LRP1B: variants seen among roughly 807,000 people sequenced by gnomAD.
The protein encoded by LRP1B is LDL receptor related protein 1B, also known as low-density lipoprotein receptor-related protein 1B.
Under a neutral mutation model 556.6 loss-of-function variants are expected in LRP1B, and 217 were observed. The ratio of observed to expected loss-of-function variants is 0.39; its 90% confidence interval spans 0.35 to 0.44. The LOEUF is 0.44. Ranked by LOEUF, LRP1B falls within the 20% of genes least tolerant of loss-of-function variation. The pLI, the probability that LRP1B is intolerant of heterozygous loss-of-function variation, is 1.00. For synonymous variants in LRP1B, 2,047 were observed against 1,865.8 expected (o/e 1.10, Z -2.50); for missense variants, 5,053 against 5,620.8 (o/e 0.90, Z 3.23).
chr2:140,326,226 T>A (rs774155283), intron 79 of LRP1B, among the ~76,000 whole-genome samples: 2 of 152,122 alleles, frequency 1.3e-5, no homozygotes, highest in Non-Finnish European at 2.9e-5. Flanking sequence ...ATCTTCATAT[T>A]ATATGGAGAA....
In LRP1B at chr2:140,997,812, T is replaced by C. The variant is rs1697295783; in HGVS notation, c.2504-3677A>G. Among the ~76,000 whole-genome samples, 2 of 151,950 alleles carry C rather than the reference T, an allele frequency of 1.3e-5. 1 individual carries two copies. Among genetic ancestry groups the C allele is most frequent in the African/African-American group, 4.8e-5 (2 of 41,424 alleles). On this transcript the variant is annotated intron_variant, in intron 15 of 90. Coordinates refer to ENST00000389484, the MANE Select transcript of LRP1B (RefSeq NM_018557.3). The stretch of plus-strand genomic sequence containing the variant: ...AGTTGTGGTTTGCTGGATCTCTTTA[T>C]ATAAGCTCGCCTATACCGGAAGACT...
At chr2:141,219,513 C>T (rs139082796) in intron 6 of LRP1B, among the ~76,000 whole-genome samples, 29 of 152,298 alleles carry the variant, frequency 1.9e-4, no homozygotes, top group South Asian at 4.1e-4. Context: ...CCTAGTCTTT[C>T]CTGTCTGCTG....
chr2:141,045,149 T>A (rs946234881), intron 11 of LRP1B, among the ~76,000 whole-genome samples: 4 of 130,388 alleles, frequency 3.1e-5, no homozygotes, highest in Non-Finnish European at 6.6e-5. Flanking sequence ...AAATCATCAT[T>A]CTCAGTAAAC....
At chr2:140,838,168 T>C (rs1398412455) in intron 31 of LRP1B, among the ~76,000 whole-genome samples, 1 of 152,210 alleles carries the variant, frequency 6.6e-6, no homozygotes, top group Non-Finnish European at 1.5e-5. Context: ...GTATAAACTA[T>C]GATTGCCAAA....
intron 7 of LRP1B, among the ~76,000 whole-genome samples, chr2:141,114,934 T>C (rs995910093): frequency 4.6e-5 from 7 of 152,140 alleles, no homozygotes; most frequent in African/African-American, 1.7e-4. Context: ...CTTGATTCTA[T>C]TAAAACCGCA....
At chr2:142,098,123 C>T (rs1313757181) in intron 1 of LRP1B, among the ~76,000 whole-genome samples, 1 of 151,648 alleles carries the variant, frequency 6.6e-6, no homozygotes, top group Admixed American at 6.6e-5. Context: ...ATTTTTCAGC[C>T]CATATTCCTC....
chr2:141,122,734 G>A (rs1206204909), intron 7 of LRP1B, among the ~76,000 whole-genome samples: 1 of 152,154 alleles, frequency 6.6e-6, no homozygotes, highest in African/African-American at 2.4e-5. Context: ...ATTTGACCCA[G>A]CCATCCCATT....
chr2:141,326,108 A>T (rs1163933812), intron 3 of LRP1B, among the ~76,000 whole-genome samples: 1 of 152,182 alleles, frequency 6.6e-6, no homozygotes, highest in Non-Finnish European at 1.5e-5. Context: ...TTCTTATAAG[A>T]TGAATATTCA....
intron 57 of LRP1B, among the ~76,000 whole-genome samples, chr2:140,489,955 C>T (rs1252943302): frequency 6.6e-6 from 1 of 152,084 alleles, no homozygotes; most frequent in Non-Finnish European, 1.5e-5. Flanking sequence ...ACATATCTAT[C>T]TAGCCAAGCT....
At chr2:141,795,899 T>TATATATATATATATATATAA (rs1247641787) in intron 2 of LRP1B, among the ~76,000 whole-genome samples, 6 of 77,018 alleles carry the variant, frequency 7.8e-5, no homozygotes, top group Non-Finnish European at 1.4e-4. Flanking sequence ...TATATATATA[T>TATATATATATATATATATAA]AATCTTTAAG....
Position 140,702,254 on chromosome 2 carries a change from C to G in LRP1B, c.6189G>C (p.Lys2063Asn). The G allele has an allele frequency of 6.2e-7, 1 of 1,613,744 alleles. No individual in the cohort carries two copies. The highest frequency in any genetic ancestry group is 1.1e-5 in the South Asian group (1 of 91,084). Residue 2063 changes from lysine (K) to asparagine (N), a missense_variant, in exon 39 of 91, where the codon AAG (lysine) becomes AAC (asparagine). This residue lies in a region of LRP1B where 3,619 missense variants were observed against 3,931.9 expected (regional missense o/e 0.92). Transcript: ENST00000389484. ...KLYWCDARTD[K>N]IERIDLETGG... ...CAGTCTCAAGGTCGATTCTCTCTATCTTGTCTGTGCGAGCATCACACCAGT... is the reference window on the plus strand; with the variant it reads ...CAGTCTCAAGGTCGATTCTCTCTATGTTGTCTGTGCGAGCATCACACCAGT...
chr2:140,497,627 G>C (rs1689002249), intron 55 of LRP1B, among the ~76,000 whole-genome samples: 1 of 151,878 alleles, frequency 6.6e-6, no homozygotes, highest in South Asian at 2.1e-4. Context: ...AGTAGATACA[G>C]AGCAGTGTTG....
In LRP1B at chr2:140,700,359, G is replaced by C. The variant is rs1686587938; in HGVS notation, c.6690C>G (p.Asp2230Glu). ...TGGTACCTTTTCTTCTTTGATTATA[G>C]TCAAAAGCCAAGGCTATGACATTCT... ...YFKNVIALAFDYNQRRKGTNR... is the reference protein window; with the variant it reads ...YFKNVIALAFEYNQRRKGTNR... The change falls in exon 41 of 91, where the codon GAC becomes GAG. Residue 2230 changes from aspartate to glutamate, a missense_variant. This residue lies in a region of LRP1B where 3,619 missense variants were observed against 3,931.9 expected (regional missense o/e 0.92). Transcript: ENST00000389484. The C allele has an allele frequency of 1.2e-6, 2 of 1,613,110 alleles. No individual in the cohort carries two copies. The highest frequency in any genetic ancestry group is 1.7e-6 in the Non-Finnish European group (2 of 1,179,592).
rs138827919 is a variant in LRP1B at position 140,992,827 on chromosome 2, T to G, written c.2644+1168A>C. ...ATTATAGCAATTTAGTATTTAAATT[T>G]TTTTTGTGGGTTCAAACTTTGCAGG... is the stretch of plus-strand genomic sequence containing the variant. On this transcript the variant is annotated intron_variant, in intron 16 of 90. Coordinates refer to ENST00000389484, the MANE Select transcript of LRP1B (RefSeq NM_018557.3). Among the ~76,000 whole-genome samples, 1,449 of 152,170 alleles carry G rather than the reference T, an allele frequency of 9.5e-3. 17 individuals are homozygous for G. Among genetic ancestry groups the G allele is most frequent in the Non-Finnish European group, 0.015 (1,011 of 67,964 alleles).
chr2:141,175,082 C>T (rs10191501), intron 7 of LRP1B, among the ~76,000 whole-genome samples: 19,139 of 151,962 alleles, frequency 0.13, 1,447 homozygotes, highest in East Asian at 0.24. Flanking sequence ...TTCTAAGCAG[C>T]AAAGCATTCA....
chr2:141,813,179 C>G (rs1234532828), intron 1 of LRP1B, among the ~76,000 whole-genome samples: 1 of 151,940 alleles, frequency 6.6e-6, no homozygotes, highest in Non-Finnish European at 1.5e-5. Flanking sequence ...TAAAAATAGG[C>G]CAGAATTCCT....
At chr2:141,469,648 G>A (rs936419449) in intron 3 of LRP1B, among the ~76,000 whole-genome samples, 1 of 152,162 alleles carries the variant, frequency 6.6e-6, no homozygotes, top group African/African-American at 2.4e-5. Context: ...GAAAATATTA[G>A]AAATTCAGAA....
chr2:141,654,510 G>C (rs555177439), intron 2 of LRP1B, among the ~76,000 whole-genome samples: 1 of 152,184 alleles, frequency 6.6e-6, no homozygotes, highest in East Asian at 1.9e-4. Context: ...GGAGGAGTCT[G>C]GCAATCCTGA....
chr2:140,574,083 A>AT, intron 43 of LRP1B, among the ~76,000 whole-genome samples: 1 of 152,106 alleles, frequency 6.6e-6, no homozygotes, highest in Admixed American at 6.6e-5. Flanking sequence ...GCATTTATCT[A>AT]TATTTCAAAC....
Sources: gnomAD v4.1 joint callset for allele counts (sites outside exome capture counted in the v4.1 genomes callset) on GRCh38, gnomAD v4.1.1 for gene constraint, gnomAD v4.1.1 regional missense constraint, MANE v1.5 for transcripts, NCBI Gene and HGNC (gene_info 2026-07-23, HGNC 2026-07-21) for gene names.